The following HCRTR2 variants were observed in gnomAD, a reference collection of about 807,000 sequenced individuals.
The protein encoded by HCRTR2 is orexin receptor type 2.
HCRTR2 carries 22 observed loss-of-function variants against 49.0 expected under a neutral mutation model. That is an observed-to-expected ratio of 0.45 (90% CI 0.32 to 0.64). HCRTR2 has a LOEUF of 0.64. Ranked by LOEUF, HCRTR2 falls within the 30% of genes least tolerant of loss-of-function variation. The probability of loss-of-function intolerance (pLI) is 0.04; values close to 1 mark genes in which losing one functional copy is unlikely to be tolerated. For missense variants in HCRTR2, 491 were observed against 559.4 expected (o/e 0.88, Z 1.23); for synonymous variants, 236 against 205.3 (o/e 1.15, Z -1.28).
In HCRTR2 at chr6:55,248,753, T is replaced by C; in HGVS notation, c.338T>C (p.Val113Ala). ...ATCACCTGCCTTCCAGCCACACTGGTCGTGGATATCACTGAGACCTGGTTT... is the reference window on the plus strand; with the variant it reads ...ATCACCTGCCTTCCAGCCACACTGGCCGTGGATATCACTGAGACCTGGTTT... The part of the protein sequence containing the change: ...VTITCLPATL[V>A]VDITETWFFG... The change falls in exon 2 of 7, where the codon GTC becomes GCC. Residue 113 changes from valine to alanine, a missense_variant. Transcript: ENST00000370862. 1.2e-6 allele frequency: 2 copies of C among 1,613,526 alleles called. No individual in the cohort carries two copies. The highest frequency in any genetic ancestry group is 2.2e-5 in the South Asian group (2 of 91,074).
chr6:55,165,376 T>C (rs1297253519), intron 1 of HCRTR2, among the ~76,000 whole-genome samples: 2 of 152,028 alleles, frequency 1.3e-5, no homozygotes, highest in Non-Finnish European at 2.9e-5. Context: ...TCTCATTCAA[T>C]GGGAAAAGTA....
chr6:55,210,083 T>A (rs1420030493), intron 1 of HCRTR2, among the ~76,000 whole-genome samples: 1 of 152,144 alleles, frequency 6.6e-6, no homozygotes. Context: ...CAAAATGCCT[T>A]TTTGTTTATC....
At chr6:55,235,168 T>C (rs538989979) in intron 1 of HCRTR2, among the ~76,000 whole-genome samples, 141 of 152,208 alleles carry the variant, frequency 9.3e-4, no homozygotes, top group African/African-American at 3.3e-3. Context: ...TTTCCTTTTG[T>C]TGGCAGGGGG....
intron 1 of HCRTR2, among the ~76,000 whole-genome samples, chr6:55,151,978 T>C (rs1367389805): frequency 6.6e-6 from 1 of 151,896 alleles, no homozygotes; most frequent in Non-Finnish European, 1.5e-5. Context: ...AAACAGTAAG[T>C]CTCAAAAATG....
chr6:55,246,154 G>C (rs1045172417), intron 1 of HCRTR2, among the ~76,000 whole-genome samples: 2 of 152,062 alleles, frequency 1.3e-5, no homozygotes, highest in Non-Finnish European at 2.9e-5. Context: ...AGCTTTCAGA[G>C]ACAGGACAGC....
intron 1 of HCRTR2, among the ~76,000 whole-genome samples, chr6:55,161,234 C>A (rs187692327): frequency 6.6e-6 from 1 of 152,122 alleles, no homozygotes; most frequent in Non-Finnish European, 1.5e-5. Context: ...TGAATGACTA[C>A]TGGGTAAATA....
At chr6:55,209,679 T>C (rs1239274638) in intron 1 of HCRTR2, among the ~76,000 whole-genome samples, 1 of 152,182 alleles carries the variant, frequency 6.6e-6, no homozygotes, top group Admixed American at 6.6e-5. Context: ...AATGATGAAG[T>C]TCCTTACTCT....
chr6:55,180,974 T>TTG, intron 1 of HCRTR2, among the ~76,000 whole-genome samples: 1 of 151,050 alleles, frequency 6.6e-6, no homozygotes, highest in South Asian at 2.1e-4. Flanking sequence ...TATTTTTTTT[T>TTG]TTTTTTGTAT....
At chr6:55,181,260 C>A (rs1457149886) in intron 1 of HCRTR2, among the ~76,000 whole-genome samples, 1 of 152,090 alleles carries the variant, frequency 6.6e-6, no homozygotes, top group African/African-American at 2.4e-5. Flanking sequence ...AAACACATGA[C>A]CCATATGACC....
At chr6:55,119,369 A>C (rs1764164124) in intron 1 of HCRTR2, among the ~76,000 whole-genome samples, 2 of 152,134 alleles carry the variant, frequency 1.3e-5, no homozygotes, top group South Asian at 4.1e-4. Flanking sequence ...TGTCTTCCAC[A>C]ATGCTTGAAC....
chr6:55,180,167 G>T (rs898537325), intron 1 of HCRTR2, among the ~76,000 whole-genome samples: 6 of 152,158 alleles, frequency 3.9e-5, no homozygotes, highest in Admixed American at 3.9e-4. Flanking sequence ...ATAATGAGAA[G>T]ATTAATAGGT....
chr6:55,144,270 G>A (rs569373674), intron 1 of HCRTR2, among the ~76,000 whole-genome samples: 61 of 151,844 alleles, frequency 4.0e-4, no homozygotes, highest in Admixed American at 9.8e-4. Context: ...GCGCCACCAC[G>A]TCTGGCTAAT....
rs1202712785 is a variant in HCRTR2 at position 55,191,469 on chromosome 6, ATAGT to A, written c.223+16664_223+16667del. On this transcript the variant is annotated intron_variant, in intron 1 of 6. Coordinates refer to ENST00000370862, the MANE Select transcript of HCRTR2 (RefSeq NM_001384272.1). Reference sequence around the variant, plus strand: ...ACACATATTGCTATACATAGTAAATATAGTTAGTCAATTATGTCATGGAAAGAAT... The same window carrying A: ...ACACATATTGCTATACATAGTAAATATAGTCAATTATGTCATGGAAAGAAT... 2.0e-5 allele frequency among the ~76,000 whole-genome samples: 3 copies of A among 152,312 alleles called. No individual in the cohort carries two copies. In the East Asian group the frequency reaches 5.8e-4, roughly 29 times the overall value.
intron 2 of HCRTR2, among the ~76,000 whole-genome samples, chr6:55,250,664 G>A (rs1766531412): frequency 6.6e-6 from 1 of 152,118 alleles, no homozygotes; most frequent in Non-Finnish European, 1.5e-5. Context: ...AGGACAGAAT[G>A]GAAGCAGTGT....
chr6:55,175,839 G>A (rs1765030668), intron 1 of HCRTR2, among the ~76,000 whole-genome samples: 1 of 152,126 alleles, frequency 6.6e-6, no homozygotes. Flanking sequence ...AATGGAAGGA[G>A]AGTGTACCTT....
intron 1 of HCRTR2, among the ~76,000 whole-genome samples, chr6:55,160,753 G>A (rs753860279): frequency 1.9e-4 from 29 of 152,162 alleles, no homozygotes; most frequent in Non-Finnish European, 3.5e-4. Flanking sequence ...ATTACATAAT[G>A]ATAAAGGGAT....
At chr6:55,213,041 C>A (rs936310357) in intron 1 of HCRTR2, among the ~76,000 whole-genome samples, 2 of 151,430 alleles carry the variant, frequency 1.3e-5, no homozygotes, top group Non-Finnish European at 2.9e-5. Flanking sequence ...GGGTGACTCT[C>A]AAGGGCGAGA....
chr6:55,266,946 A>G (rs1469924677), intron 4 of HCRTR2, among the ~76,000 whole-genome samples: 2 of 152,206 alleles, frequency 1.3e-5, no homozygotes, highest in Admixed American at 6.5e-5. Flanking sequence ...TTCATGAATT[A>G]TCCTCATTAG....
At chr6:55,229,937 G>A (rs1207634174) in intron 1 of HCRTR2, among the ~76,000 whole-genome samples, 1 of 152,122 alleles carries the variant, frequency 6.6e-6, no homozygotes, top group Non-Finnish European at 1.5e-5. Context: ...GAAATATACA[G>A]CAGGCTTTAC....
Sources: gnomAD v4.1 joint callset for allele counts (sites outside exome capture counted in the v4.1 genomes callset) on GRCh38, gnomAD v4.1.1 for gene constraint, MANE v1.5 for transcripts, NCBI Gene and HGNC (gene_info 2026-07-23, HGNC 2026-07-21) for gene names.